KTN1: variants seen among roughly 807,000 people sequenced by gnomAD.
KTN1 encodes the protein kinectin 1.
In KTN1, 130 loss-of-function variants were observed where a neutral mutation model predicts 222.5. The ratio of observed to expected loss-of-function variants is 0.58; its 90% confidence interval spans 0.51 to 0.68. The LOEUF (loss-of-function observed/expected upper bound fraction) is 0.68, where lower values mean the gene tolerates loss of function less well. KTN1 is among the 30% of genes least tolerant of loss of function. The pLI, the probability that KTN1 is intolerant of heterozygous loss-of-function variation, is 0.00. For missense variants in KTN1, 1,508 were observed against 1,500.4 expected (o/e 1.01, Z -0.08); for synonymous variants, 512 against 496.3 (o/e 1.03, Z -0.42).
chr14:55,671,892 A>C lies in KTN1; in HGVS notation c.3531+15A>C. The C allele has an allele frequency of 2.8e-6, 4 of 1,452,968 alleles. No homozygotes were observed. The highest frequency in any genetic ancestry group is 3.9e-6 in the Non-Finnish European group (4 of 1,034,192). The allele number at this position is 1,452,968 out of a possible 1,614,324, so 90.0% of individuals were successfully genotyped here. ...CTATTAAACAGGTATTTACAAAAGA[A>C]AAGCTTAGAGCAGTGGTTCTCGATG... On this transcript the variant is annotated intron_variant, in intron 37 of 43. Coordinates refer to ENST00000395314, the MANE Select transcript of KTN1 (RefSeq NM_001079521.2).
intron 31 of KTN1, among the ~76,000 whole-genome samples, chr14:55,660,886 A>T (rs1219099470): frequency 6.6e-6 from 1 of 152,212 alleles, no homozygotes; most frequent in African/African-American, 2.4e-5. Flanking sequence ...CTAGTTTGCC[A>T]GCCTCTTATA....
intron 1 of KTN1, among the ~76,000 whole-genome samples, chr14:55,608,880 T>C (rs927124591): frequency 1.3e-5 from 2 of 152,132 alleles, no homozygotes; most frequent in Admixed American, 6.5e-5. Context: ...TCCGCCTGCC[T>C]CGGCCTCCCA....
At chr14:55,637,871 A>G (rs1305262278) in intron 12 of KTN1, 24 bp downstream of exon 12, 1 of 1,574,564 alleles carries the variant, frequency 6.4e-7, no homozygotes. Flanking sequence ...CTTATTGCTT[A>G]TGATTAATAA....
At chr14:55,649,709 G>A in intron 21 of KTN1, 67 bp from the exon 22 acceptor site, 1 of 898,936 alleles carries the variant, frequency 1.1e-6, no homozygotes, top group Non-Finnish European at 1.8e-6. Context: ...AGGATAATGT[G>A]CATTTCTATT....
At chr14:55,676,567 A>G (rs2045905304) in intron 41 of KTN1, among the ~76,000 whole-genome samples, 1 of 152,180 alleles carries the variant, frequency 6.6e-6, no homozygotes, top group Non-Finnish European at 1.5e-5. Flanking sequence ...ACGCACTTAA[A>G]TTTTGATAGT....
rs143842292 is a variant in KTN1 at position 55,637,264 on chromosome 14, C to A, written c.1616C>A (p.Thr539Asn). Residue 539 changes from threonine to asparagine, a missense_variant, in exon 11 of 44, where the codon ACC (threonine) becomes AAC (asparagine). By Grantham distance (65) the Thr-to-Asn change is moderately conservative. Transcript: ENST00000395314. ...VQSLHSKLTDTLVSKQQLEQR... is the reference protein window; with the variant it reads ...VQSLHSKLTDNLVSKQQLEQR... ...AGTCTGCATAGTAAGCTTACAGATA[C>A]CTTGGTATCAAAACAACAGTTGGAG... 31 of 1,610,942 alleles carry A rather than the reference C, an allele frequency of 1.9e-5. No homozygotes were observed. Among genetic ancestry groups the A allele is most frequent in the Non-Finnish European group, 2.5e-5 (29 of 1,177,976 alleles).
In KTN1 at chr14:55,678,427, G is replaced by T. The variant is rs762831947; in HGVS notation, c.3931G>T (p.Asp1311Tyr). 6.2e-7 allele frequency: 1 copy of T among 1,605,212 alleles called. No homozygotes were observed. Among genetic ancestry groups the T allele is most frequent in the Non-Finnish European group, 8.5e-7 (1 of 1,172,004 alleles). ...AGDTTVIENS[D>Y]VSPETESSEK... ...AGACACTACTGTTATTGAAAATAGT[G>T]ATGTTTCCCCAGAAACGGTATGTAT... The change falls in exon 42 of 44, where the codon GAT (aspartate) becomes TAT (tyrosine). Residue 1311 changes from aspartate to tyrosine, a missense_variant. By Grantham distance (160) the Asp-to-Tyr change is radical. Transcript: ENST00000395314.
chr14:55,600,065 T>C (rs1439741299), intron 1 of KTN1, among the ~76,000 whole-genome samples: 1 of 151,276 alleles, frequency 6.6e-6, no homozygotes, highest in Non-Finnish European at 1.5e-5. Flanking sequence ...GTATTTGATG[T>C]TCTAATTTAC....
At chr14:55,593,436 A>AACCCC (rs2034479676) in intron 1 of KTN1, among the ~76,000 whole-genome samples, 2 of 89,538 alleles carry the variant, frequency 2.2e-5, no homozygotes, top group African/African-American at 4.3e-5. Context: ...AGAAATAGAC[A>AACCCC]CCCCCCCCCC....
chr14:55,612,914 A>C (rs926593713), intron 2 of KTN1, among the ~76,000 whole-genome samples: 5 of 140,682 alleles, frequency 3.6e-5, no homozygotes, highest in Non-Finnish European at 6.4e-5. Flanking sequence ...AAAAAAAAAA[A>C]CCCCATACAT....
intron 19 of KTN1, 84 bp from the exon 20 acceptor site, chr14:55,647,941 C>CT (rs1232663473): frequency 1.1e-5 from 4 of 372,460 alleles, no homozygotes; most frequent in Non-Finnish European, 1.7e-5. Flanking sequence ...GAGTCTCTGT[C>CT]TCAAAAAAAA....
Position 55,639,177 on chromosome 14 carries a change from TTTC to T in KTN1, c.1786-5_1786-3del. On this transcript the variant is annotated splice_region_variant and splice_polypyrimidine_tract_variant and intron_variant, in intron 12 of 43. Transcript: ENST00000395314. ...TACTTTTATGTTGACACTATTTTTC[TTTC>T]TTAGACCTCCGCTTCAGTTCTAGCA... 1 of 1,591,404 alleles carries T rather than the reference TTTC, an allele frequency of 6.3e-7. No homozygotes were observed.
chr14:55,653,942 G>A (rs894975602), intron 28 of KTN1, among the ~76,000 whole-genome samples: 9 of 152,134 alleles, frequency 5.9e-5, no homozygotes, highest in Non-Finnish European at 1.2e-4. Flanking sequence ...TGAATTAGAT[G>A]TTAGTAACAT....
At chr14:55,652,545 C>T (rs183608931) in intron 25 of KTN1, among the ~76,000 whole-genome samples, 9 of 152,018 alleles carry the variant, frequency 5.9e-5, no homozygotes, top group South Asian at 2.1e-4. Flanking sequence ...ACTACAGGCG[C>T]GTACCACCAC....
At position 55,659,648 on chromosome 14, in the gene KTN1, A is replaced by AT; in HGVS notation, c.2962-15dup. 1 of 1,442,404 alleles carries AT rather than the reference A, an allele frequency of 6.9e-7. No homozygotes were observed. Among genetic ancestry groups the AT allele is most frequent in the Non-Finnish European group, 9.7e-7 (1 of 1,026,698 alleles). 89.4% of individuals were successfully genotyped at this position (1,442,404 alleles called of 1,614,324 possible). ...CTGAAAAGTTTTGTTCTGAAATAAC[A>AT]TTTAACTCTTTTGATAGGCATCTTC... On this transcript the variant is annotated splice_polypyrimidine_tract_variant and intron_variant, in intron 30 of 43. Coordinates refer to ENST00000395314, the MANE Select transcript of KTN1 (RefSeq NM_001079521.2).
rs1484200737 is a variant in KTN1, at chr14:55,619,299, A to G, written c.950A>G (p.Asp317Gly). The change falls in exon 5 of 44, where the codon GAT becomes GGT. Residue 317 changes from aspartate (D) to glycine (G), a missense_variant. By Grantham distance (94) the Asp-to-Gly change is moderately conservative. Coordinates refer to ENST00000395314, the MANE Select transcript of KTN1 (RefSeq NM_001079521.2). The stretch of plus-strand genomic sequence containing the variant: ...AAGGAGAAGTCTGGTGTAATACAAG[A>G]TGCTTTAAAGAAGGTAAGCGTGTTT... Reference protein sequence around the residue: ...LLKEKSGVIQDALKKSSKGEL... With the variant: ...LLKEKSGVIQGALKKSSKGEL... 1 of 1,613,444 alleles carries G rather than the reference A, an allele frequency of 6.2e-7. No individual in the cohort carries two copies. Among genetic ancestry groups the G allele is most frequent in the Non-Finnish European group, 8.5e-7 (1 of 1,179,798 alleles).
At chr14:55,627,053 C>T (rs762511155) in intron 5 of KTN1, among the ~76,000 whole-genome samples, 8 of 152,090 alleles carry the variant, frequency 5.3e-5, no homozygotes, top group African/African-American at 1.9e-4. Flanking sequence ...CTGACAGGGT[C>T]GTGGAGCATC....
At chr14:55,603,058 A>G (rs1015968441) in intron 1 of KTN1, among the ~76,000 whole-genome samples, 2 of 152,078 alleles carry the variant, frequency 1.3e-5, no homozygotes, top group Non-Finnish European at 2.9e-5. Context: ...CTGTGCTACC[A>G]TCTAAGGCCA....
chr14:55,675,025 C>T (rs887176531), intron 40 of KTN1: 2 of 152,142 alleles, frequency 1.3e-5, no homozygotes, highest in African/African-American at 4.8e-5. Context: ...TCCCTCCGCC[C>T]CACTGCCACC....
Sources: allele counts gnomAD v4.1 joint callset (sites outside exome capture counted in the v4.1 genomes callset), GRCh38; gene constraint gnomAD v4.1.1; transcripts MANE v1.5; gene names NCBI Gene and HGNC (gene_info 2026-07-23, HGNC 2026-07-21).